The following PCSK6 variants were observed in gnomAD, a reference collection of about 807,000 sequenced individuals.
The protein encoded by PCSK6 is paired basic amino acid cleaving enzyme 4.
In PCSK6, 85 loss-of-function variants were observed where a neutral mutation model predicts 123.3. That is an observed-to-expected ratio of 0.69 (90% CI 0.58 to 0.83). The LOEUF (loss-of-function observed/expected upper bound fraction) is 0.83, where lower values mean the gene tolerates loss of function less well. Ranked by LOEUF, PCSK6 falls within the 40% of genes least tolerant of loss-of-function variation. The probability of loss-of-function intolerance (pLI) is 0.00; values close to 1 mark genes in which losing one functional copy is unlikely to be tolerated. For synonymous variants in PCSK6, 508 were observed against 516.0 expected (o/e 0.98, Z 0.21); for missense variants, 1,191 against 1,282.3 (o/e 0.93, Z 1.09).
Position 101,331,648 on chromosome 15 carries a change from T to A in PCSK6, c.2077+3A>T. The A allele has an allele frequency of 6.2e-7, 1 of 1,613,300 alleles. No homozygotes were observed. Among genetic ancestry groups the A allele is most frequent in the Admixed American group, 1.7e-5 (1 of 59,968 alleles). ...AATACTTACTGGTTTGAAGCATACT[T>A]ACTGGTCTGTAAAATATTAGCAGAG... On this transcript the variant is annotated splice_donor_region_variant and intron_variant, in intron 15 of 21. Transcript: ENST00000611716.
At position 101,324,991 on chromosome 15, in the gene PCSK6, A is replaced by AGC. The variant is rs757731491; in HGVS notation, c.2234_2235dup (p.Cys746AlafsTer33). 1 of 1,612,790 alleles carries AGC rather than the reference A, an allele frequency of 6.2e-7. No homozygotes were observed. Among genetic ancestry groups the AGC allele is most frequent in the Non-Finnish European group, 8.5e-7 (1 of 1,179,886 alleles). On this transcript the variant is annotated frameshift_variant, in exon 17 of 22. Coordinates refer to ENST00000611716, the MANE Select transcript of PCSK6 (RefSeq NM_002570.5). LOFTEE classifies it high-confidence loss of function. ...TCACACCCCTTGTGGCACCGGCGAC[A>AGC]GCGTCTTGCTGCTGTGTCCCCAAAG...
At chr15:101,488,530 T>A (rs2058075309) in intron 1 of PCSK6, among the ~76,000 whole-genome samples, 2 of 152,028 alleles carry the variant, frequency 1.3e-5, no homozygotes, top group Admixed American at 1.3e-4. Context: ...CCGGTGAGGG[T>A]CAGGCCCCGG....
At chr15:101,367,425 T>G (rs1024269882) in intron 12 of PCSK6, among the ~76,000 whole-genome samples, 1 of 152,246 alleles carries the variant, frequency 6.6e-6, no homozygotes, top group Admixed American at 6.5e-5. Flanking sequence ...ATTTCCAATC[T>G]GGGGGTTCTC....
Position 101,324,918 on chromosome 15 carries a change from C to T in PCSK6, c.2309G>A (p.Gly770Glu). ...AATQCLSCRR[G>E]FYHHQEMNTC... ...GTTCATCTCCTGGTGGTGATAGAAC[C>T]CGCGGCGGCAAGACAGGCACTGCGT... The change falls in exon 17 of 22, where the codon GGG (glycine) becomes GAG (glutamate). Residue 770 changes from glycine to glutamate, a missense_variant. Around this residue, in one of 3 missense-constraint regions of PCSK6, gnomAD observed 630 missense variants for 631.4 expected, o/e 1.00. Coordinates refer to ENST00000611716, the MANE Select transcript of PCSK6 (RefSeq NM_002570.5). 1 of 1,613,608 alleles carries T rather than the reference C, an allele frequency of 6.2e-7. No homozygotes were observed. Among genetic ancestry groups the T allele is most frequent in the Admixed American group, 1.7e-5 (1 of 60,028 alleles).
Position 101,307,197 on chromosome 15 carries a change from C to A in PCSK6, c.2812+16G>T, listed in dbSNP as rs1183323242. The A allele has an allele frequency of 2.9e-5, 47 of 1,600,282 alleles. No homozygotes were observed. The highest frequency in any genetic ancestry group is 4.0e-5 in the Non-Finnish European group (47 of 1,168,866). On this transcript the variant is annotated intron_variant, in intron 21 of 21. Coordinates refer to ENST00000611716, the MANE Select transcript of PCSK6 (RefSeq NM_002570.5). Reference sequence around the variant, plus strand: ...TCCTCCACAGGCAGCCCCAGGGTAACCCAGCTGCTGCTCACCGTTGCTGCA... The same window carrying A: ...TCCTCCACAGGCAGCCCCAGGGTAAACCAGCTGCTGCTCACCGTTGCTGCA...
intron 1 of PCSK6, among the ~76,000 whole-genome samples, chr15:101,485,957 A>AT (rs11303524): frequency 0.036 from 4,169 of 115,970 alleles, 72 homozygotes; most frequent in African/African-American, 0.046. Flanking sequence ...ATTTATTTAA[A>AT]TTTTTTTTTT....
chr15:101,361,655 G>A (rs2041226005), intron 13 of PCSK6, among the ~76,000 whole-genome samples: 1 of 152,238 alleles, frequency 6.6e-6, no homozygotes, highest in Admixed American at 6.5e-5. Context: ...GGATGTGCAG[G>A]TCAGGCTAAG....
chr15:101,341,022 G>T (rs1305254397), intron 13 of PCSK6, among the ~76,000 whole-genome samples: 1 of 146,450 alleles, frequency 6.8e-6, no homozygotes, highest in African/African-American at 2.5e-5. Context: ...TGCAACCTCC[G>T]CCTCCCAGGA....
chr15:101,434,099 C>G (rs942295877), intron 2 of PCSK6, among the ~76,000 whole-genome samples: 3 of 152,222 alleles, frequency 2.0e-5, no homozygotes, highest in African/African-American at 7.2e-5. Context: ...CTAACACCGG[C>G]TGATGGCATT....
At chr15:101,377,683 G>A (rs982969015) in intron 11 of PCSK6, among the ~76,000 whole-genome samples, 2 of 152,306 alleles carry the variant, frequency 1.3e-5, no homozygotes, top group South Asian at 2.1e-4. Flanking sequence ...CTAGTTTCAC[G>A]AAATTCCAGA....
intron 6 of PCSK6, among the ~76,000 whole-genome samples, chr15:101,405,562 A>G (rs2141600608): frequency 6.6e-6 from 1 of 152,244 alleles, no homozygotes; most frequent in East Asian, 1.9e-4. Context: ...AAGGAATCAC[A>G]CCAGTTTGCC....
At chr15:101,469,140 AG>A (rs1390949114) in intron 1 of PCSK6, among the ~76,000 whole-genome samples, 4 of 152,064 alleles carry the variant, frequency 2.6e-5, no homozygotes, top group Non-Finnish European at 5.9e-5. Flanking sequence ...TGACTATTAC[AG>A]GGAGAAAAAA....
At chr15:101,433,759 C>T (rs374058375) in intron 2 of PCSK6, among the ~76,000 whole-genome samples, 130 of 152,360 alleles carry the variant, frequency 8.5e-4, no homozygotes, top group Middle Eastern at 3.4e-3. Flanking sequence ...TTCCTCCTCC[C>T]TGAGCCTTGG....
rs571595446 is a variant in PCSK6 at position 101,414,835 on chromosome 15, T to C, written c.823+13057A>G. ...TCCAAAGATATCTGAAATCAGCACATGTATGAATATAACAAAGTCCTTCTT... is the reference window on the plus strand; with the variant it reads ...TCCAAAGATATCTGAAATCAGCACACGTATGAATATAACAAAGTCCTTCTT... On this transcript the variant is annotated intron_variant, in intron 6 of 21. Coordinates refer to ENST00000611716, the MANE Select transcript of PCSK6 (RefSeq NM_002570.5). Among the ~76,000 whole-genome samples, 16 of 152,310 alleles carry C rather than the reference T, an allele frequency of 1.1e-4. No homozygotes were observed. In the South Asian group the frequency reaches 2.7e-3, roughly 26 times the overall value.
intron 1 of PCSK6, among the ~76,000 whole-genome samples, chr15:101,475,767 A>C (rs1032757124): frequency 6.6e-6 from 1 of 151,756 alleles, no homozygotes; most frequent in Non-Finnish European, 1.5e-5. Context: ...CTGGGACTAC[A>C]AGTGTGAGCC....
chr15:101,366,281 GAC>G lies in PCSK6; in HGVS notation c.1771_1772del (p.Val591ProfsTer8). 3.1e-6 allele frequency: 5 copies of G among 1,613,600 alleles called. No homozygotes were observed. The highest frequency in any genetic ancestry group is 4.2e-6 in the Non-Finnish European group (5 of 1,179,662). ...EGFTNWEFMTVHCWGEKAEGQ... is the reference protein window; with the variant it reads ...EGFTNWEFMTXHCWGEKAEGQ... ...CTTCAGCCTTTTCTCCCCAGCAGTG[GAC>G]AGTCATGAATTCCCAGTTTGTAAAC... On this transcript the variant is annotated frameshift_variant, in exon 13 of 22. Coordinates refer to ENST00000611716, the MANE Select transcript of PCSK6 (RefSeq NM_002570.5). LOFTEE classifies it high-confidence loss of function.
chr15:101,402,486 C>A (rs1256534144), intron 6 of PCSK6, among the ~76,000 whole-genome samples: 1 of 152,114 alleles, frequency 6.6e-6, no homozygotes, highest in Admixed American at 6.5e-5. Flanking sequence ...AACAGGCAAC[C>A]TACAAAACGG....
At chr15:101,444,472 A>C (rs1169441099) in intron 1 of PCSK6, among the ~76,000 whole-genome samples, 1 of 152,120 alleles carries the variant, frequency 6.6e-6, no homozygotes, top group Non-Finnish European at 1.5e-5. Context: ...TATCATACAG[A>C]CCCTCAGGTT....
chr15:101,332,089 A>T, intron 13 of PCSK6, 58 bp from the exon 14 acceptor site: 1 of 1,484,752 alleles, frequency 6.7e-7, no homozygotes, highest in Non-Finnish European at 9.1e-7. Flanking sequence ...TGTCACTCAC[A>T]GAAATAAGCC....
Sources: allele counts gnomAD v4.1 joint callset (sites outside exome capture counted in the v4.1 genomes callset), GRCh38; gene constraint gnomAD v4.1.1; regional missense constraint gnomAD v4.1.1; transcripts MANE v1.5; gene names NCBI Gene and HGNC (gene_info 2026-07-23, HGNC 2026-07-21).